Variants in VMP1 observed in about 807,000 individuals in gnomAD.
VMP1 encodes the protein ectopic P-granules autophagy protein 3 homolog.
In VMP1, 11 loss-of-function variants were observed where a neutral mutation model predicts 56.0. The observed-to-expected ratio is 0.20, with a 90% confidence interval of 0.12 to 0.32. The LOEUF (loss-of-function observed/expected upper bound fraction) is 0.32. Among genes scored for constraint, VMP1 ranks in the 10% least tolerant of loss-of-function variants. The pLI, the probability that VMP1 is intolerant of heterozygous loss-of-function variation, is 1.00. For synonymous variants in VMP1, 149 were observed against 165.0 expected (o/e 0.90, Z 0.74); for missense variants, 296 against 490.3 (o/e 0.60, Z 3.74).
intron 5 of VMP1, among the ~76,000 whole-genome samples, chr17:59,751,798 C>T (rs1450262404): frequency 6.7e-6 from 1 of 148,280 alleles, no homozygotes; most frequent in Middle Eastern, 3.2e-3. Context: ...AGCATACCTT[C>T]TCTTTTTCAT....
chr17:59,805,716 A>G (rs1334779345), intron 7 of VMP1, among the ~76,000 whole-genome samples: 1 of 151,952 alleles, frequency 6.6e-6, no homozygotes, highest in African/African-American at 2.4e-5. Flanking sequence ...GACCTTCTAA[A>G]TACAATACTT....
At chr17:59,772,095 G>A (rs2482455) in intron 6 of VMP1, among the ~76,000 whole-genome samples, 68,138 of 151,262 alleles carry the variant, frequency 0.45, 17,954 homozygotes, top group African/African-American at 0.73. Context: ...GGTTCAAGCA[G>A]TTCTCATGCC....
At chr17:59,749,677 G>C (rs865992367) in intron 5 of VMP1, among the ~76,000 whole-genome samples, 3 of 151,582 alleles carry the variant, frequency 2.0e-5, no homozygotes, top group African/African-American at 4.8e-5. Flanking sequence ...CACCTGGCTA[G>C]TTTTTGTAGT....
At chr17:59,774,941 A>ATTT (rs11354629) in intron 7 of VMP1, among the ~76,000 whole-genome samples, 1 of 137,546 alleles carries the variant, frequency 7.3e-6, no homozygotes, top group East Asian at 2.1e-4. Context: ...TACAAAAAAA[A>ATTT]TTTTTTTTTT....
At chr17:59,821,614 C>G (rs2038457551) in intron 10 of VMP1, among the ~76,000 whole-genome samples, 1 of 144,128 alleles carries the variant, frequency 6.9e-6, no homozygotes, top group Admixed American at 7.1e-5. Flanking sequence ...GGTGCGATCT[C>G]AGATCTCGAC....
At chr17:59,750,956 A>G (rs1171047823) in intron 5 of VMP1, among the ~76,000 whole-genome samples, 1 of 124,248 alleles carries the variant, frequency 8.0e-6, no homozygotes, top group Admixed American at 9.1e-5. Context: ...TTTTGGAGAC[A>G]GAGTCTAGCT....
chr17:59,776,726 T>G (rs773479056), intron 7 of VMP1, among the ~76,000 whole-genome samples: 20 of 152,188 alleles, frequency 1.3e-4, no homozygotes, highest in Admixed American at 2.6e-4. Context: ...GTTCTTTGAG[T>G]TATGGCACTA....
chr17:59,764,076 A>G (rs528305529), intron 5 of VMP1, among the ~76,000 whole-genome samples: 1 of 152,150 alleles, frequency 6.6e-6, no homozygotes, highest in African/African-American at 2.4e-5. Context: ...TCACAGTTAC[A>G]TTTTTGCTTT....
chr17:59,719,184 G>A (rs1269234638), intron 1 of VMP1, among the ~76,000 whole-genome samples: 1 of 152,074 alleles, frequency 6.6e-6, no homozygotes, highest in East Asian at 1.9e-4. Flanking sequence ...TTTTGGAGTA[G>A]TCTAATCCAA....
intron 10 of VMP1, among the ~76,000 whole-genome samples, chr17:59,831,894 G>C (rs2038820054): frequency 6.6e-6 from 1 of 151,836 alleles, no homozygotes. Flanking sequence ...TCGGAGACAG[G>C]ATCTCACTAT....
chr17:59,839,468 A>G, intron 11 of VMP1: 1 of 301,648 alleles, frequency 3.3e-6, no homozygotes, highest in East Asian at 7.1e-5. Context: ...TGGCGACTTC[A>G]GAGTTGAGTT....
At chr17:59,821,215 C>A (rs2038438370) in intron 10 of VMP1, among the ~76,000 whole-genome samples, 1 of 152,052 alleles carries the variant, frequency 6.6e-6, no homozygotes, top group Non-Finnish European at 1.5e-5. Context: ...CATGATCCGC[C>A]TGCCTAAGCC....
At chr17:59,715,617 G>A (rs952789221) in intron 1 of VMP1, among the ~76,000 whole-genome samples, 12 of 152,174 alleles carry the variant, frequency 7.9e-5, no homozygotes, top group African/African-American at 2.7e-4. Flanking sequence ...AATTGACATA[G>A]TAACAATATC....
intron 6 of VMP1, 137 bp from the exon 7 acceptor site, chr17:59,773,617 A>C (rs930647207): frequency 7.8e-6 from 6 of 772,480 alleles, no homozygotes; most frequent in Non-Finnish European, 1.1e-5. Context: ...TATTATTTTG[A>C]TTATGTAGCA....
At chr17:59,749,107 G>A (rs77320753) in intron 5 of VMP1, among the ~76,000 whole-genome samples, 7 of 149,884 alleles carry the variant, frequency 4.7e-5, no homozygotes, top group Non-Finnish European at 8.9e-5. Context: ...CCGCTACTAC[G>A]CCTGGCTATT....
chr17:59,790,949 T>A (rs1487279361), intron 7 of VMP1, among the ~76,000 whole-genome samples: 1 of 152,208 alleles, frequency 6.6e-6, no homozygotes, highest in African/African-American at 2.4e-5. Context: ...ACTTTTTATA[T>A]CCAACAGCCC....
intron 5 of VMP1, among the ~76,000 whole-genome samples, chr17:59,758,888 A>G (rs1027701865): frequency 3.3e-5 from 5 of 152,038 alleles, no homozygotes; most frequent in Non-Finnish European, 5.9e-5. Flanking sequence ...TGAGCCCAAG[A>G]GTTAGAGACC....
At chr17:59,772,265 C>T (rs1598371004) in intron 6 of VMP1, among the ~76,000 whole-genome samples, 1 of 150,840 alleles carries the variant, frequency 6.6e-6, no homozygotes, top group Admixed American at 6.6e-5. Flanking sequence ...TGCTGGGATT[C>T]CAGGCGTGAG....
rs185584816 is a variant in VMP1, at chr17:59,801,496, C to T, written c.715-7300C>T. Reference sequence around the variant, plus strand: ...CTGGAAGTCCTAGGCTCGAGTGATCCTCCCATCTCGGCTTCCCAAATTGTT... The same window carrying T: ...CTGGAAGTCCTAGGCTCGAGTGATCTTCCCATCTCGGCTTCCCAAATTGTT... On this transcript the variant is annotated intron_variant, in intron 7 of 11. Transcript: ENST00000262291. Among the ~76,000 whole-genome samples the T allele has an allele frequency of 4.8e-3, 733 of 152,110 alleles. 8 individuals carry two copies. Among genetic ancestry groups the T allele is most frequent in the African/African-American group, 0.017 (700 of 41,522 alleles).
Sources: gnomAD v4.1 joint callset for allele counts (sites outside exome capture counted in the v4.1 genomes callset) on GRCh38, gnomAD v4.1.1 for gene constraint, MANE v1.5 for transcripts, NCBI Gene and HGNC (gene_info 2026-07-23, HGNC 2026-07-21) for gene names.